FOXK2: variants seen among roughly 807,000 people sequenced by gnomAD.
The protein encoded by FOXK2 is forkhead box protein K2.
Under a neutral mutation model 53.3 loss-of-function variants are expected in FOXK2, and 24 were observed. The observed-to-expected ratio is 0.45, with a 90% CI of 0.33 to 0.63. FOXK2 has a LOEUF of 0.63. FOXK2 is among the 30% of genes least tolerant of loss of function. FOXK2 has a pLI of 0.03. For synonymous variants in FOXK2, 505 were observed against 407.1 expected (o/e 1.24, Z -2.89); for missense variants, 952 against 910.5 (o/e 1.05, Z -0.59).
At chr17:82,578,744 G>C (rs1488928928) in intron 4 of FOXK2, 1 of 152,168 alleles carries the variant, frequency 6.6e-6, no homozygotes, top group Admixed American at 6.5e-5. Flanking sequence ...TGCGAACTGG[G>C]TTCTTTTACG....
Position 82,530,426 on chromosome 17 carries a change from A to G in FOXK2, c.419+10119A>G, listed in dbSNP as rs1225996177. 6.1e-5 allele frequency among the ~76,000 whole-genome samples: 9 copies of G among 148,290 alleles called. No individual in the cohort carries two copies. The East Asian group carries it at 1.8e-3, about 30-fold the overall frequency. On this transcript the variant is annotated intron_variant, in intron 1 of 8. Coordinates refer to ENST00000335255, the MANE Select transcript of FOXK2 (RefSeq NM_004514.4). ...AATCACTTGAACTCCAGCCTGGGCA[A>G]CAAGAGTGAAACTCCATCTAAAAAA...
Position 82,598,452 on chromosome 17 carries a change from G to C in FOXK2, c.1787-2851G>C, listed in dbSNP as rs888001548. Among the ~76,000 whole-genome samples, 7 of 152,286 alleles carry C rather than the reference G, an allele frequency of 4.6e-5. 1 individual carries two copies. The highest frequency in any genetic ancestry group is 1.7e-4 in the African/African-American group (7 of 41,560). On this transcript the variant is annotated intron_variant, in intron 8 of 8. Transcript: ENST00000335255. ...AGCCCTGGTGAGGGTGAGGCTGTTG[G>C]GTTGGGTGAGTCAGCCGTGTTGTGC...
At chr17:82,565,564 T>G (rs2044843703) in intron 2 of FOXK2, among the ~76,000 whole-genome samples, 1 of 152,162 alleles carries the variant, frequency 6.6e-6, no homozygotes. Context: ...ATATTCAGCA[T>G]CAGTAGTTAT....
intron 1 of FOXK2, among the ~76,000 whole-genome samples, chr17:82,562,665 T>C (rs778082426): frequency 6.6e-6 from 1 of 152,100 alleles, no homozygotes; most frequent in Non-Finnish European, 1.5e-5. Context: ...TACATTTGTA[T>C]GTTTGTTTTG....
intron 1 of FOXK2, among the ~76,000 whole-genome samples, chr17:82,558,940 G>A (rs747936138): frequency 5.3e-5 from 8 of 151,964 alleles, no homozygotes; most frequent in African/African-American, 1.5e-4. Context: ...CAGTAGAGAC[G>A]GGGTTTCACC....
At chr17:82,551,390 A>T (rs1187834180) in intron 1 of FOXK2, among the ~76,000 whole-genome samples, 1 of 149,974 alleles carries the variant, frequency 6.7e-6, no homozygotes, top group African/African-American at 2.5e-5. Flanking sequence ...AAGAAGTTAA[A>T]GCTGGCCAGG....
Position 82,582,806 on chromosome 17 carries a change from A to C in FOXK2, c.975A>C (p.Glu325Asp). Residue 325 changes from glutamate to aspartate, a missense_variant, in exon 5 of 9, where the codon GAA becomes GAC. This residue lies in a region of FOXK2 where 160 missense variants were observed against 214.2 expected (regional missense o/e 0.75). Transcript: ENST00000335255. ...YFIKVPRSQEEPGKGSFWRID... is the reference protein window; with the variant it reads ...YFIKVPRSQEDPGKGSFWRID... ...TCAAAGTGCCGCGTTCCCAGGAAGA[A>C]CCAGGCAAAGGCTCGTTCTGGAGGA... is the stretch of plus-strand genomic sequence containing the variant. 1 of 1,611,698 alleles carries C rather than the reference A, an allele frequency of 6.2e-7. No homozygotes were observed. The highest frequency in any genetic ancestry group is 1.7e-5 in the Admixed American group (1 of 59,418).
rs979486613 is a variant in FOXK2 at position 82,604,342 on chromosome 17, C to A, written c.*2843C>A. On this transcript the variant is annotated 3_prime_UTR_variant, in exon 9 of 9. Coordinates refer to ENST00000335255, the MANE Select transcript of FOXK2 (RefSeq NM_004514.4). ...GTAGAGTACGCGGTGGACAGCTGAT[C>A]TCCTTCAGTCGTCTACCCACTTCCG... 6.6e-6 allele frequency: 1 copy of A among 152,526 alleles called. No homozygotes were observed. Among genetic ancestry groups the A allele is most frequent in the Non-Finnish European group, 1.5e-5 (1 of 68,062 alleles). 9.4% of individuals were successfully genotyped at this position (152,526 alleles called of 1,614,324 possible).
rs114991919 is a variant in FOXK2, at chr17:82,558,591, G to A, written c.420-4763G>A. Reference sequence around the variant, plus strand: ...GGAGGAAGAGATCGCCTCTTTCCCTGTTGGAATTGTGCACACTGCTGGAGC... The same window carrying A: ...GGAGGAAGAGATCGCCTCTTTCCCTATTGGAATTGTGCACACTGCTGGAGC... On this transcript the variant is annotated intron_variant, in intron 1 of 8. Coordinates refer to ENST00000335255, the MANE Select transcript of FOXK2 (RefSeq NM_004514.4). Among the ~76,000 whole-genome samples, 177 of 152,336 alleles carry A rather than the reference G, an allele frequency of 1.2e-3. 1 individual carries two copies. Among genetic ancestry groups the A allele is most frequent in the African/African-American group, 4.1e-3 (172 of 41,580 alleles).
rs1164370071 is a variant in FOXK2, at chr17:82,587,240, T to C, written c.1754T>C (p.Val585Ala). Residue 585 changes from valine to alanine, a missense_variant, in exon 8 of 9, where the codon GTC becomes GCC. Around this residue, in one of 5 missense-constraint regions of FOXK2, gnomAD observed 551 missense variants for 385.1 expected, o/e 1.43. Transcript: ENST00000335255. ...CAAAACGGCACTCACGTGGCATCAG[T>C]CCCCACTGCGGTCCACGGCCAGGTG... ...VTQNGTHVAS[V>A]PTAVHGQVNN... The C allele has an allele frequency of 6.2e-7, 1 of 1,613,030 alleles. No individual in the cohort carries two copies. The highest frequency in any genetic ancestry group is 2.2e-5 in the East Asian group (1 of 44,890).
rs1164748061 is a variant in FOXK2, at chr17:82,604,476, G to GTGAC, written c.*2978_*2981dup. 2 of 152,628 alleles carry GTGAC rather than the reference G, an allele frequency of 1.3e-5. No individual in the cohort carries two copies. Among genetic ancestry groups the GTGAC allele is most frequent in the South Asian group, 2.1e-4 (1 of 4,834 alleles). The allele number at this position is 152,628 out of a possible 1,614,324, so 9.5% of individuals were successfully genotyped here. On this transcript the variant is annotated 3_prime_UTR_variant, in exon 9 of 9. Coordinates refer to ENST00000335255, the MANE Select transcript of FOXK2 (RefSeq NM_004514.4). ...TGTGCTGTGTGACACAAGGAGATAA[G>GTGAC]TGACAATCTTGAAGTCCTAACTTCC...
At position 82,601,484 on chromosome 17, in the gene FOXK2, G is replaced by A; in HGVS notation, c.1968G>A (p.Lys656=). ...CGCCACCGGCAGCCGTAAGGGAAAA[G>A]GGTGTCCAGAACTAGCGACCGGGAG... ...VDTPPAAVRE[K]GVQN is the part of the protein sequence containing the mutation. Residue 656 remains lysine, a synonymous_variant, in exon 9 of 9, where the codon AAG becomes AAA. Transcript: ENST00000335255. 6.2e-7 allele frequency: 1 copy of A among 1,607,204 alleles called. No individual in the cohort carries two copies. Among genetic ancestry groups the A allele is most frequent in the Non-Finnish European group, 8.5e-7 (1 of 1,176,104 alleles).
chr17:82,537,096 G>A (rs928519794), intron 1 of FOXK2, among the ~76,000 whole-genome samples: 4 of 152,150 alleles, frequency 2.6e-5, no homozygotes, highest in African/African-American at 9.7e-5. Flanking sequence ...GAAGGTTCTT[G>A]CTGCTGGATC....
intron 1 of FOXK2, among the ~76,000 whole-genome samples, chr17:82,524,151 A>G (rs944751275): frequency 4.6e-5 from 7 of 152,150 alleles, no homozygotes; most frequent in Non-Finnish European, 1.0e-4. Flanking sequence ...CCGCTTCCCA[A>G]AGTGCTGGGA....
intron 2 of FOXK2, among the ~76,000 whole-genome samples, chr17:82,564,068 A>G (rs551117281): frequency 6.7e-6 from 1 of 149,758 alleles, no homozygotes; most frequent in Non-Finnish European, 1.5e-5. Context: ...TCATTCTTTA[A>G]AAGATGTTTT....
intron 1 of FOXK2, among the ~76,000 whole-genome samples, chr17:82,521,931 G>A (rs570111445): frequency 5.7e-4 from 78 of 138,010 alleles, no homozygotes; most frequent in African/African-American, 1.9e-3. Flanking sequence ...GGAAGACTCC[G>A]CCTCAAAAAA....
chr17:82,520,117 C>T lies in FOXK2; in HGVS notation c.229C>T (p.Arg77Trp). Residue 77 changes from arginine to tryptophan, a missense_variant, in exon 1 of 9, where the codon CGG becomes TGG. By Grantham distance (101) the Arg-to-Trp change is moderately radical. This residue lies in a region of FOXK2 where 163 missense variants were observed against 165.5 expected (regional missense o/e 0.98). Transcript: ENST00000335255. The part of the protein sequence containing the change: ...VSMGHSSFIS[R>W]RHLEIFTPPG... ...CATGGGCCACTCGAGCTTCATCTCC[C>T]GGCGCCACCTCGAGATCTTCACGCC... 6.6e-7 allele frequency: 1 copy of T among 1,525,860 alleles called. No individual in the cohort carries two copies. The highest frequency in any genetic ancestry group is 8.8e-7 in the Non-Finnish European group (1 of 1,139,670). The allele number at this position is 1,525,860 out of a possible 1,614,324, so 94.5% of individuals were successfully genotyped here.
chr17:82,597,519 G>A (rs1428391738), intron 8 of FOXK2, among the ~76,000 whole-genome samples: 2 of 152,218 alleles, frequency 1.3e-5, no homozygotes, highest in African/African-American at 2.4e-5. Flanking sequence ...CTTCAGGGCC[G>A]GGCGTGTTAG....
chr17:82,594,739 G>A (rs1468578578), intron 8 of FOXK2, among the ~76,000 whole-genome samples: 1 of 152,146 alleles, frequency 6.6e-6, no homozygotes, highest in Admixed American at 6.5e-5. Flanking sequence ...GAGGAACTTA[G>A]TTCTTTCCCT....
Sources: gnomAD v4.1 joint callset for allele counts (sites outside exome capture counted in the v4.1 genomes callset) on GRCh38, gnomAD v4.1.1 for gene constraint, gnomAD v4.1.1 regional missense constraint, MANE v1.5 for transcripts, NCBI Gene and HGNC (gene_info 2026-07-23, HGNC 2026-07-21) for gene names.